LYZL2: variants seen among roughly 807,000 people sequenced by gnomAD.
LYZL2 encodes the protein lysozyme-like protein 2.
In LYZL2, 13 loss-of-function variants were observed where a neutral mutation model predicts 17.1. The observed-to-expected ratio is 0.76, with a 90% CI of 0.49 to 1.21. LYZL2 has a LOEUF of 1.21. Among genes scored for constraint, LYZL2 ranks in the 50% most tolerant of loss-of-function variants. The pLI, the probability that LYZL2 is intolerant of heterozygous loss-of-function variation, is 0.00. For synonymous variants in LYZL2, 63 were observed against 74.4 expected, an observed-to-expected ratio of 0.85 and a Z score of 0.79; for missense variants, 166 against 189.2, an observed-to-expected ratio of 0.88 and a Z score of 0.72.
At chr10:30,609,414 C>T (rs891216883), downstream of LYZL2, among the ~76,000 whole-genome samples, 3 of 152,128 alleles carry the variant, frequency 2.0e-5, no homozygotes, top group Non-Finnish European at 2.9e-5. Context: ...TGGGAAAAAC[C>T]AGGAGCAAGG....
In LYZL2 at chr10:30,620,989, G is replaced by A. The variant is rs189271214; in HGVS notation, c.298+5116C>T. Among the ~76,000 whole-genome samples the A allele has an allele frequency of 1.7e-3, 264 of 152,194 alleles. 8 individuals are homozygous for A. Among genetic ancestry groups the A allele is most frequent in the Admixed American group, 0.016 (242 of 15,292 alleles). On this transcript the variant is annotated intron_variant, in intron 3 of 4. Coordinates refer to ENST00000647634, the MANE Select transcript of LYZL2 (RefSeq NM_183058.3). ...GATGAATGGTACAGCATCAGCGATCGAACATACATGCCGTTAGAATTCTTG... is the reference window on the plus strand; with the variant it reads ...GATGAATGGTACAGCATCAGCGATCAAACATACATGCCGTTAGAATTCTTG...
In LYZL2 at chr10:30,626,131, T is replaced by C. The variant is rs1356082581; in HGVS notation, c.272A>G (p.Asn91Ser). The C allele has an allele frequency of 6.2e-7, 1 of 1,614,252 alleles. No individual in the cohort carries two copies. The highest frequency in any genetic ancestry group is 2.2e-5 in the East Asian group (1 of 44,894). ...AWCRRGKLKE[N>S]NHCHVACSAL... ...TGAGCAGGCGACGTGGCAGTGGTTG[T>C]TCTCCTTCAGCTTTCCGCGTCTGCA... The change falls in exon 3 of 5, where the codon AAC (asparagine) becomes AGC (serine). Residue 91 changes from asparagine to serine, a missense_variant. This residue lies in a region of LYZL2 where 134 missense variants were observed against 129.4 expected (regional missense o/e 1.04). Coordinates refer to ENST00000647634, the MANE Select transcript of LYZL2 (RefSeq NM_183058.3).
chr10:30,617,674 C>CAAAAAAAAAAAAAAAAAAAAAAAG (rs1838553016), intron 3 of LYZL2, among the ~76,000 whole-genome samples: 6 of 50,208 alleles, frequency 1.2e-4, no homozygotes, highest in East Asian at 1.1e-3. Flanking sequence ...GACTCTGTCT[C>CAAAAAAAAAAAAAAAAAAAAAAAG]AAAAAAAAAA....
intron 1 of LYZL2, among the ~76,000 whole-genome samples, chr10:30,628,938 C>T (rs553534473): frequency 6.6e-6 from 1 of 152,294 alleles, no homozygotes; most frequent in South Asian, 2.1e-4. Context: ...TTGTTGGTGG[C>T]TGATTTCCTG....
chr10:30,625,914 T>G (rs1838694152), intron 3 of LYZL2, among the ~76,000 whole-genome samples, 191 bp downstream of exon 3: 1 of 152,222 alleles, frequency 6.6e-6, no homozygotes, highest in African/African-American at 2.4e-5. Flanking sequence ...GAATAAGTCA[T>G]CTTTGGACAA....
intron 3 of LYZL2, among the ~76,000 whole-genome samples, chr10:30,620,541 A>G (rs1426051557): frequency 6.6e-6 from 1 of 152,208 alleles, no homozygotes; most frequent in African/African-American, 2.4e-5. Context: ...CTTTTAAACT[A>G]AGAAGACAGG....
At chr10:30,611,424 G>A (rs573532798), downstream of LYZL2, among the ~76,000 whole-genome samples, 19 of 150,414 alleles carry the variant, frequency 1.3e-4, no homozygotes, top group Non-Finnish European at 2.5e-4. Flanking sequence ...GCTTGAACCC[G>A]GGAGGTGGAG....
At chr10:30,625,961 G>T in intron 3 of LYZL2, 144 bp downstream of exon 3, 1 of 1,279,642 alleles carries the variant, frequency 7.8e-7, no homozygotes, top group African/African-American at 1.5e-5. Context: ...CTTGGAAACT[G>T]TTGCATAATT....
chr10:30,607,167 C>CT, downstream of LYZL2, among the ~76,000 whole-genome samples: 1 of 5,832 alleles, frequency 1.7e-4, no homozygotes, highest in Non-Finnish European at 4.9e-4. Flanking sequence ...CCGCCTTGGC[C>CT]TCCCAAAGTG....
Position 30,611,971 on chromosome 10 carries a change from T to A in LYZL2, c.431A>T (p.Asp144Val), listed in dbSNP as rs1054570. 2 of 1,614,198 alleles carry A rather than the reference T, an allele frequency of 1.2e-6. No homozygotes were observed. Among genetic ancestry groups the A allele is most frequent in the Admixed American group, 1.7e-5 (1 of 60,028 alleles). The change falls in exon 5 of 5, where the codon GAC (aspartate) becomes GTC (valine). Residue 144 changes from aspartate to valine, a missense_variant. Transcript: ENST00000647634. ...EGRDLSDWKKDCEVS is the reference protein window; with the variant it reads ...EGRDLSDWKKVCEVS ...AGTTCCAGTTTAGGAAACCTCACAG[T>A]CTTTTTTCCAGTCGGACAGGTCTCT...
chr10:30,618,420 C>A (rs1385112542), intron 3 of LYZL2, among the ~76,000 whole-genome samples: 8 of 151,838 alleles, frequency 5.3e-5, no homozygotes, highest in East Asian at 1.9e-4. Flanking sequence ...ACCTGACTTC[C>A]AACTATACTA....
chr10:30,623,807 G>C (rs370515398), intron 3 of LYZL2, among the ~76,000 whole-genome samples: 2 of 152,072 alleles, frequency 1.3e-5, no homozygotes, highest in African/African-American at 4.8e-5. Flanking sequence ...AGTGTAATGC[G>C]CTTGAATCAT....
intron 3 of LYZL2, among the ~76,000 whole-genome samples, chr10:30,624,588 T>A (rs1183015644): frequency 6.6e-6 from 1 of 152,240 alleles, no homozygotes; most frequent in East Asian, 1.9e-4. Flanking sequence ...TTGTTCTGTT[T>A]TCCAGCCAGG....
chr10:30,617,775 T>C (rs933414369), intron 3 of LYZL2, among the ~76,000 whole-genome samples: 4 of 150,098 alleles, frequency 2.7e-5, no homozygotes, highest in Admixed American at 2.7e-4. Flanking sequence ...AAGACAGGGA[T>C]GTCCTCTCTC....
intron 1 of LYZL2, 110 bp from the exon 2 acceptor site, chr10:30,627,050 T>C (rs1466984684): frequency 2.0e-6 from 3 of 1,498,748 alleles, no homozygotes; most frequent in Non-Finnish European, 2.7e-6. Flanking sequence ...ACTTTGGTCA[T>C]TCAGTGCCAC....
At chr10:30,617,659 A>C (rs929463709) in intron 3 of LYZL2, among the ~76,000 whole-genome samples, 3 of 118,580 alleles carry the variant, frequency 2.5e-5, no homozygotes, top group African/African-American at 9.4e-5. Flanking sequence ...TGGGTGACAG[A>C]GTGAGACTCT....
downstream of LYZL2, among the ~76,000 whole-genome samples, chr10:30,610,046 C>A (rs1371537281): frequency 6.6e-6 from 1 of 151,984 alleles, no homozygotes; most frequent in East Asian, 1.9e-4. Context: ...TTTGACTTCC[C>A]TGGGCCACAC....
At chr10:30,623,415 C>G (rs1838655447) in intron 3 of LYZL2, among the ~76,000 whole-genome samples, 1 of 152,136 alleles carries the variant, frequency 6.6e-6, no homozygotes, top group African/African-American at 2.4e-5. Flanking sequence ...AACCCCTGAA[C>G]CACAGACCTA....
At chr10:30,614,656 G>C (rs1838500085) in intron 3 of LYZL2, among the ~76,000 whole-genome samples, 1 of 151,988 alleles carries the variant, frequency 6.6e-6, no homozygotes, top group South Asian at 2.1e-4. Context: ...TTTTTTTTAA[G>C]AGAATTGGGT....
Sources: gnomAD v4.1 joint callset for allele counts (sites outside exome capture counted in the v4.1 genomes callset) on GRCh38, gnomAD v4.1.1 for gene constraint, gnomAD v4.1.1 regional missense constraint, MANE v1.5 for transcripts, NCBI Gene and HGNC (gene_info 2026-07-23, HGNC 2026-07-21) for gene names.